The following GPATCH2 variants were observed in gnomAD, a reference collection of about 807,000 sequenced individuals.
GPATCH2 encodes G-patch domain containing 2, also known as G patch domain-containing protein 2.
In GPATCH2, 51 loss-of-function variants were observed where a neutral mutation model predicts 58.0. The observed-to-expected ratio is 0.88, with a 90% confidence interval of 0.70 to 1.11. The LOEUF is 1.11. GPATCH2 is among the 50% of genes most tolerant of loss of function. The probability of loss-of-function intolerance (pLI) is 0.00; values close to 1 mark genes in which losing one functional copy is unlikely to be tolerated. For synonymous variants in GPATCH2, 222 were observed against 218.5 expected, an observed-to-expected ratio of 1.02 and a Z score of -0.14; for missense variants, 625 against 652.2, an observed-to-expected ratio of 0.96 and a Z score of 0.45.
intron 1 of GPATCH2, among the ~76,000 whole-genome samples, chr1:217,629,844 A>G (rs893118101): frequency 2.0e-5 from 3 of 152,248 alleles, no homozygotes; most frequent in African/African-American, 7.2e-5. Flanking sequence ...AAAATTAACT[A>G]CAGGATGATC....
At chr1:217,472,007 C>T (rs923911821) in intron 8 of GPATCH2, among the ~76,000 whole-genome samples, 2 of 152,038 alleles carry the variant, frequency 1.3e-5, no homozygotes, top group African/African-American at 4.8e-5. Flanking sequence ...TGTCAGACTA[C>T]TAAATAATTT....
intron 6 of GPATCH2, chr1:217,498,827 C>A (rs886482401): frequency 3.3e-5 from 8 of 239,358 alleles, no homozygotes; most frequent in Non-Finnish European, 6.6e-5. Context: ...AGCTATGCCC[C>A]CAGGAGCAAT....
intron 5 of GPATCH2, among the ~76,000 whole-genome samples, chr1:217,584,354 TATATATATATAC>T (rs1667235210): frequency 1.6e-5 from 1 of 61,430 alleles, no homozygotes; most frequent in South Asian, 5.5e-4. Flanking sequence ...AATATATATA[TATATATATATAC>T]ACACACACAA....
intron 5 of GPATCH2, among the ~76,000 whole-genome samples, chr1:217,565,259 A>T (rs1306460884): frequency 6.6e-6 from 1 of 152,224 alleles, no homozygotes; most frequent in Non-Finnish European, 1.5e-5. Flanking sequence ...CAAACATGCA[A>T]ATGTATAAGG....
intron 8 of GPATCH2, among the ~76,000 whole-genome samples, chr1:217,456,126 G>A (rs1472843159): frequency 2.6e-5 from 4 of 152,076 alleles, no homozygotes; most frequent in Non-Finnish European, 5.9e-5. Flanking sequence ...CTTCCTGGGT[G>A]CTGGACAAGG....
chr1:217,518,897 GT>G (rs1475456815), intron 5 of GPATCH2, among the ~76,000 whole-genome samples: 1 of 152,194 alleles, frequency 6.6e-6, no homozygotes, highest in African/African-American at 2.4e-5. Flanking sequence ...TTTCCATTTT[GT>G]GAGGACTGGT....
intron 5 of GPATCH2, among the ~76,000 whole-genome samples, chr1:217,533,133 T>C (rs1040684248): frequency 2.6e-5 from 4 of 151,704 alleles, no homozygotes; most frequent in African/African-American, 9.7e-5. Context: ...GGTCTTGAAC[T>C]CCTGAGCTCA....
intron 5 of GPATCH2, among the ~76,000 whole-genome samples, chr1:217,520,435 C>G (rs1054471115): frequency 3.9e-5 from 6 of 152,124 alleles, no homozygotes; most frequent in Non-Finnish European, 7.4e-5. Context: ...TACAAAAAGG[C>G]CCATCAGGTT....
chr1:217,623,794 C>T (rs1431204333), intron 1 of GPATCH2, among the ~76,000 whole-genome samples: 2 of 151,786 alleles, frequency 1.3e-5, no homozygotes, highest in African/African-American at 4.8e-5. Context: ...CCTAGCGACT[C>T]GGGAGGCTGA....
At chr1:217,435,016 A>T (rs993455489) in intron 9 of GPATCH2, among the ~76,000 whole-genome samples, 8 of 152,224 alleles carry the variant, frequency 5.3e-5, no homozygotes, top group Non-Finnish European at 1.2e-4. Context: ...AAAACAAAAA[A>T]AAGTAACAGA....
chr1:217,455,314 T>C (rs1659890906), intron 8 of GPATCH2, among the ~76,000 whole-genome samples: 2 of 152,310 alleles, frequency 1.3e-5, no homozygotes, highest in South Asian at 2.1e-4. Flanking sequence ...ATGGAGGCTC[T>C]TTCTAATGCT....
At chr1:217,501,464 A>G (rs1315886080) in intron 6 of GPATCH2, among the ~76,000 whole-genome samples, 3 of 152,076 alleles carry the variant, frequency 2.0e-5, no homozygotes, top group Non-Finnish European at 4.4e-5. Flanking sequence ...AATGACCAAG[A>G]GTGCAATTGC....
intron 9 of GPATCH2, among the ~76,000 whole-genome samples, chr1:217,444,799 C>A (rs937687767): frequency 1.3e-5 from 2 of 151,868 alleles, no homozygotes; most frequent in African/African-American, 4.8e-5. Context: ...CTATATGCAC[C>A]CAGGGATAGC....
intron 5 of GPATCH2, among the ~76,000 whole-genome samples, chr1:217,606,739 CA>C (rs903592034): frequency 2.6e-5 from 4 of 151,232 alleles, no homozygotes; most frequent in African/African-American, 9.7e-5. Flanking sequence ...AGACCCATCT[CA>C]AAAAAAAAGA....
At chr1:217,468,503 A>G (rs1378976139) in intron 8 of GPATCH2, among the ~76,000 whole-genome samples, 1 of 140,268 alleles carries the variant, frequency 7.1e-6, no homozygotes, top group African/African-American at 2.8e-5. Flanking sequence ...ATGTCAAGGA[A>G]TGCACACACA....
chr1:217,542,964 C>A (rs1438023227), intron 5 of GPATCH2, among the ~76,000 whole-genome samples: 1 of 151,888 alleles, frequency 6.6e-6, no homozygotes, highest in Non-Finnish European at 1.5e-5. Context: ...TAATCTATCC[C>A]TGAGCTTAAG....
At chr1:217,458,632 T>C (rs1660066323) in intron 8 of GPATCH2, among the ~76,000 whole-genome samples, 1 of 152,176 alleles carries the variant, frequency 6.6e-6, no homozygotes, top group Non-Finnish European at 1.5e-5. Context: ...AGACCATATA[T>C]ATGTGCTAAC....
At position 217,631,025 on chromosome 1, in the gene GPATCH2, C is replaced by T; in HGVS notation, c.-54G>A. ...GCTCAGGCCCGTGAACAGACTCCAA[C>T]TACAACAGCACCGGCGACTTCCAAA... On this transcript the variant is annotated 5_prime_UTR_variant, in exon 1 of 10. Coordinates refer to ENST00000366935, the MANE Select transcript of GPATCH2 (RefSeq NM_018040.5). 2 of 1,494,378 alleles carry T rather than the reference C, an allele frequency of 1.3e-6. No homozygotes were observed. Among genetic ancestry groups the T allele is most frequent in the Non-Finnish European group, 1.8e-6 (2 of 1,101,478 alleles). 92.6% of individuals were successfully genotyped at this position (1,494,378 alleles called of 1,614,324 possible).
chr1:217,562,347 A>G (rs1157300777), intron 5 of GPATCH2, among the ~76,000 whole-genome samples: 1 of 152,148 alleles, frequency 6.6e-6, no homozygotes, highest in Non-Finnish European at 1.5e-5. Flanking sequence ...TTGGAACCTT[A>G]AGGCTAAGTG....
Sources: allele counts gnomAD v4.1 joint callset (sites outside exome capture counted in the v4.1 genomes callset), GRCh38; gene constraint gnomAD v4.1.1; transcripts MANE v1.5; gene names NCBI Gene and HGNC (gene_info 2026-07-23, HGNC 2026-07-21).